ELP4: variants seen among roughly 807,000 people sequenced by gnomAD.
The protein encoded by ELP4 is elongator complex protein 4.
A neutral mutation model predicts 48.9 loss-of-function variants in ELP4; 51 were observed. That is an observed-to-expected ratio of 1.04 (90% CI 0.83 to 1.32). The LOEUF (loss-of-function observed/expected upper bound fraction) is 1.32, where lower values mean the gene tolerates loss of function less well. ELP4 is among the 40% of genes most tolerant of loss of function. The pLI is 0.00. For synonymous variants in ELP4, 210 were observed against 189.2 expected (o/e 1.11, Z -0.90); for missense variants, 519 against 514.6 (o/e 1.01, Z -0.08).
At chr11:31,683,544 T>A (rs1302960611) in intron 9 of ELP4, among the ~76,000 whole-genome samples, 3 of 152,204 alleles carry the variant, frequency 2.0e-5, no homozygotes, top group Admixed American at 6.5e-5. Flanking sequence ...GAAATTTTCC[T>A]TCATGAACAT....
chr11:31,662,542 G>A (rs1392340718), intron 9 of ELP4: 1 of 397,726 alleles, frequency 2.5e-6, no homozygotes, highest in Non-Finnish European at 4.4e-6. Flanking sequence ...ACTAAGTTGA[G>A]ATCTTACGAC....
intron 3 of ELP4, among the ~76,000 whole-genome samples, chr11:31,549,432 A>G (rs1335846774): frequency 6.6e-6 from 1 of 152,210 alleles, no homozygotes; most frequent in Non-Finnish European, 1.5e-5. Flanking sequence ...CAAAACCACA[A>G]TGAGATATCA....
In ELP4 at chr11:31,789,299, C is replaced by T; in HGVS notation, c.*5775C>T. 1.3e-5 allele frequency: 3 copies of T among 235,348 alleles called. No homozygotes were observed. Among genetic ancestry groups the T allele is most frequent in the Non-Finnish European group, 2.5e-5 (3 of 120,428 alleles). The allele number at this position is 235,348 out of a possible 1,614,324, so 14.6% of individuals were successfully genotyped here. On this transcript the variant is annotated 3_prime_UTR_variant, in exon 10 of 10. Transcript: ENST00000640961. ...AAAACAAATTGGATTATATCGAAGA[C>T]ACACTCTACCTTTTAGCTATCAACT...
chr11:31,620,670 T>TA (rs967479662), intron 5 of ELP4, among the ~76,000 whole-genome samples: 3 of 151,978 alleles, frequency 2.0e-5, no homozygotes, highest in African/African-American at 7.2e-5. Context: ...AGACATAGTC[T>TA]AAAACCTTGT....
At chr11:31,735,975 T>C (rs6484534) in intron 9 of ELP4, among the ~76,000 whole-genome samples, 96,516 of 151,950 alleles carry the variant, frequency 0.64, 32,668 homozygotes, top group African/African-American at 0.88. Context: ...GAAAAAACTA[T>C]TTTAAAGTTC....
intron 7 of ELP4, among the ~76,000 whole-genome samples, chr11:31,642,238 T>G (rs1166134655): frequency 6.6e-6 from 1 of 151,930 alleles, no homozygotes; most frequent in South Asian, 2.1e-4. Context: ...AAAACTAATA[T>G]AAATAAATGT....
rs913650490 is a variant in ELP4, at chr11:31,632,216, G to GA, written c.744dup (p.Gln249ThrfsTer63). 1 of 1,594,584 alleles carries GA rather than the reference G, an allele frequency of 6.3e-7. No homozygotes were observed. Among genetic ancestry groups the GA allele is most frequent in the Non-Finnish European group, 8.5e-7 (1 of 1,173,780 alleles). On this transcript the variant is annotated frameshift_variant and splice_region_variant. Coordinates refer to ENST00000640961, the MANE Select transcript of ELP4 (RefSeq NM_019040.5). LOFTEE classifies it high-confidence loss of function. ...TTTGCTTTTTTCCCACTTTCTTTTA[G>GA]AAAAAACAGAGAAACATTTTAAGAA...
intron 3 of ELP4, among the ~76,000 whole-genome samples, chr11:31,576,203 C>T (rs1957275593): frequency 6.6e-6 from 1 of 152,188 alleles, no homozygotes; most frequent in South Asian, 2.1e-4. Context: ...AAGGCCATTG[C>T]ATAACGGTAA....
intron 7 of ELP4, among the ~76,000 whole-genome samples, chr11:31,641,877 C>A (rs1039955451): frequency 6.6e-6 from 1 of 151,914 alleles, no homozygotes; most frequent in Admixed American, 6.6e-5. Context: ...GCTGGATGCT[C>A]TGTTTGATAT....
At chr11:31,672,288 G>C (rs1362787384) in intron 9 of ELP4, among the ~76,000 whole-genome samples, 1 of 152,148 alleles carries the variant, frequency 6.6e-6, no homozygotes, top group Non-Finnish European at 1.5e-5. Flanking sequence ...GCAGAAGTTT[G>C]TAAGAACTGT....
intron 5 of ELP4, among the ~76,000 whole-genome samples, chr11:31,620,968 G>T (rs1396078385): frequency 1.3e-5 from 2 of 151,872 alleles, no homozygotes; most frequent in Non-Finnish European, 2.9e-5. Context: ...AAAATCATCA[G>T]AGGAGAAAAA....
intron 9 of ELP4, among the ~76,000 whole-genome samples, chr11:31,686,965 A>G (rs898251903): frequency 4.6e-5 from 7 of 152,038 alleles, no homozygotes; most frequent in African/African-American, 9.7e-5. Flanking sequence ...GAGTTAGGAA[A>G]CTGTTGCAGA....
rs543161582 is a variant in ELP4 at position 31,623,519 on chromosome 11, A to G, written c.654-3591A>G. On this transcript the variant is annotated intron_variant, in intron 5 of 9. Transcript: ENST00000640961. The stretch of plus-strand genomic sequence containing the variant: ...ATATATTCAAAAATTAATATTCACA[A>G]TTGATAATACCTAAATGTATTGATT... 1.2e-4 allele frequency among the ~76,000 whole-genome samples: 18 copies of G among 149,752 alleles called. 1 individual carries two copies. The highest frequency in any genetic ancestry group is 8.0e-4 in the Admixed American group (12 of 14,964).
At chr11:31,752,726 C>T (rs1308072235) in intron 9 of ELP4, among the ~76,000 whole-genome samples, 17 of 150,626 alleles carry the variant, frequency 1.1e-4, no homozygotes, top group African/African-American at 2.4e-4. Context: ...CCCAGCTACT[C>T]GGGAGGCTGA....
intron 3 of ELP4, chr11:31,541,309 C>G (rs1956586826): frequency 1.3e-5 from 2 of 152,090 alleles, no homozygotes; most frequent in Admixed American, 6.5e-5. Flanking sequence ...TGATTTTCCT[C>G]TGGTTGTAGG....
rs142609802 is a variant in ELP4 at position 31,708,341 on chromosome 11, C to T, written c.1143+58120C>T. 3.8e-3 allele frequency among the ~76,000 whole-genome samples: 574 copies of T among 152,184 alleles called. 2 individuals are homozygous for T. Among genetic ancestry groups the T allele is most frequent in the African/African-American group, 0.013 (553 of 41,532 alleles). On this transcript the variant is annotated intron_variant, in intron 9 of 9. Coordinates refer to ENST00000640961, the MANE Select transcript of ELP4 (RefSeq NM_019040.5). ...GCCCATGAAATGTAACCTTGATATT[C>T]AGGTTTATATTTCACAATTTTAGCA...
At chr11:31,754,749 G>GC (rs1201837833) in intron 9 of ELP4, among the ~76,000 whole-genome samples, 2 of 152,128 alleles carry the variant, frequency 1.3e-5, no homozygotes, top group African/African-American at 4.8e-5. Flanking sequence ...GCGGGCACCT[G>GC]TAATCCCAGC....
chr11:31,539,756 T>G lies in ELP4; in HGVS notation c.354T>G (p.Ala118=), dbSNP rs761568771. 48 of 1,610,544 alleles carry G rather than the reference T, an allele frequency of 3.0e-5. No homozygotes were observed. Among genetic ancestry groups the G allele is most frequent in the Non-Finnish European group, 4.0e-5 (47 of 1,178,684 alleles). ...GGCATACTTTGTTGGTTGCATCTGCTAAAGAGGATCCTGCCAACATTTTAC... is the reference window on the plus strand; with the variant it reads ...GGCATACTTTGTTGGTTGCATCTGCGAAAGAGGATCCTGCCAACATTTTAC... ...VNGHTLLVAS[A]KEDPANILQE... Residue 118 remains alanine (A), a synonymous_variant, in exon 3 of 10, where the codon GCT becomes GCG. Coordinates refer to ENST00000640961, the MANE Select transcript of ELP4 (RefSeq NM_019040.5).
intron 7 of ELP4, among the ~76,000 whole-genome samples, chr11:31,640,655 A>T (rs1344917168): frequency 6.6e-6 from 1 of 151,968 alleles, no homozygotes; most frequent in South Asian, 2.1e-4. Flanking sequence ...TTCCAGGCTG[A>T]TGATAGAAAA....
Sources: gnomAD v4.1 joint callset for allele counts (sites outside exome capture counted in the v4.1 genomes callset) on GRCh38, gnomAD v4.1.1 for gene constraint, MANE v1.5 for transcripts, NCBI Gene and HGNC (gene_info 2026-07-23, HGNC 2026-07-21) for gene names.